ABTB3: variants seen among roughly 807,000 people sequenced by gnomAD.
The protein encoded by ABTB3 is ankyrin repeat- and BTB/POZ domain-containing protein 3.
the ABTB3 span, among the ~76,000 whole-genome samples, chr12:107,636,977 A>G: frequency 6.6e-6 from 1 of 152,222 alleles, no homozygotes; most frequent in African/African-American, 2.4e-5. Flanking sequence ...AGCAGTTAAA[A>G]GTTTCTGGTT....
chr12:107,545,271 C>G, the ABTB3 span, among the ~76,000 whole-genome samples: 1 of 152,044 alleles, frequency 6.6e-6, no homozygotes, highest in African/African-American at 2.4e-5. Context: ...CAGGATCTCA[C>G]TCTGTCACCC....
the ABTB3 span, among the ~76,000 whole-genome samples, chr12:107,461,239 G>C: frequency 1.3e-5 from 2 of 152,112 alleles, no homozygotes; most frequent in Non-Finnish European, 2.9e-5. Context: ...TTGACACATG[G>C]GGATTATTAC....
the ABTB3 span, among the ~76,000 whole-genome samples, chr12:107,460,065 T>G: frequency 6.6e-6 from 1 of 152,248 alleles, no homozygotes; most frequent in African/African-American, 2.4e-5. Context: ...GGAATGGCTA[T>G]TTTCTCAAGG....
chr12:107,423,402 A>G, the ABTB3 span, among the ~76,000 whole-genome samples: 1 of 152,308 alleles, frequency 6.6e-6, no homozygotes, highest in East Asian at 1.9e-4. Flanking sequence ...AGGAAGGTGA[A>G]CCTGAAAAGC....
At chr12:107,347,162 A>G in the ABTB3 span, among the ~76,000 whole-genome samples, 2 of 152,150 alleles carry the variant, frequency 1.3e-5, no homozygotes, top group African/African-American at 4.8e-5. Context: ...TATTTACTGA[A>G]GTAGTCCTCC....
At chr12:107,593,642 A>T in the ABTB3 span, among the ~76,000 whole-genome samples, 1 of 152,260 alleles carries the variant, frequency 6.6e-6, no homozygotes, top group Admixed American at 6.5e-5. Flanking sequence ...TAGATTCATT[A>T]GTTATAATGG....
the ABTB3 span, among the ~76,000 whole-genome samples, chr12:107,530,011 G>GGA: frequency 6.6e-6 from 1 of 152,220 alleles, no homozygotes; most frequent in Admixed American, 6.5e-5. Flanking sequence ...GGGACATCCT[G>GGA]GAGGGCTTCA....
At chr12:107,618,170 C>T in the ABTB3 span, 1 of 1,613,986 alleles carries the variant, frequency 6.2e-7, no homozygotes, top group Non-Finnish European at 8.5e-7. Flanking sequence ...ATGTGTTCCG[C>T]AAACTGCTCG....
chr12:107,618,290 C>G, the ABTB3 span: 2 of 1,613,890 alleles, frequency 1.2e-6, no homozygotes, highest in Non-Finnish European at 1.7e-6. Context: ...GCCGCAACAG[C>G]AAGGCCAAAC....
At chr12:107,482,159 C>G in the ABTB3 span, among the ~76,000 whole-genome samples, 2 of 152,032 alleles carry the variant, frequency 1.3e-5, no homozygotes, top group East Asian at 1.9e-4. Flanking sequence ...ACTGGATGGG[C>G]CAAAATAACG....
the ABTB3 span, among the ~76,000 whole-genome samples, chr12:107,528,820 G>A: frequency 1.3e-5 from 2 of 151,894 alleles, no homozygotes; most frequent in African/African-American, 2.4e-5. Context: ...GATGATGACG[G>A]TGGTCATGGT....
chr12:107,427,660 A>G, the ABTB3 span, among the ~76,000 whole-genome samples: 7 of 152,142 alleles, frequency 4.6e-5, no homozygotes, highest in African/African-American at 7.2e-5. Context: ...CTCTTCTGCC[A>G]TGTAAGGTGA....
the ABTB3 span, among the ~76,000 whole-genome samples, chr12:107,594,619 C>A: frequency 2.6e-5 from 4 of 152,136 alleles, no homozygotes; most frequent in South Asian, 6.2e-4. Context: ...CATCTTTTTG[C>A]TACCCAAAAG....
chr12:107,465,718 G>A, the ABTB3 span, among the ~76,000 whole-genome samples: 1 of 152,056 alleles, frequency 6.6e-6, no homozygotes, highest in African/African-American at 2.4e-5. Flanking sequence ...CTCCAGCCTT[G>A]CCCACCTGAC....
chr12:107,565,098 G>A, the ABTB3 span, among the ~76,000 whole-genome samples: 1 of 152,194 alleles, frequency 6.6e-6, no homozygotes, highest in Non-Finnish European at 1.5e-5. Context: ...TAGCAAGACC[G>A]AGAGAGGCTG....
At chr12:107,638,257 G>C in the ABTB3 span, among the ~76,000 whole-genome samples, 2 of 152,146 alleles carry the variant, frequency 1.3e-5, no homozygotes, top group Admixed American at 6.5e-5. Context: ...CAGGACCACC[G>C]TCTGGGCAGC....
the ABTB3 span, among the ~76,000 whole-genome samples, chr12:107,518,959 C>T: frequency 3.3e-5 from 5 of 152,352 alleles, no homozygotes; most frequent in Middle Eastern, 3.4e-3. Flanking sequence ...TTCACTTACA[C>T]TGGGAGCTCA....
the ABTB3 span, among the ~76,000 whole-genome samples, chr12:107,340,233 G>A: frequency 5.3e-5 from 8 of 151,928 alleles, no homozygotes; most frequent in South Asian, 2.1e-4. Flanking sequence ...ATTTTCTTGC[G>A]CTCAAGAAGG....
the ABTB3 span, among the ~76,000 whole-genome samples, chr12:107,392,331 C>A: frequency 6.6e-6 from 1 of 152,152 alleles, no homozygotes; most frequent in Non-Finnish European, 1.5e-5. Flanking sequence ...TCGCAGGGAC[C>A]CTCTCTTAAC....
Sources: gnomAD v4.1 joint callset for allele counts (sites outside exome capture counted in the v4.1 genomes callset) on GRCh38, gnomAD v4.1.1 for gene constraint, MANE v1.5 for transcripts, NCBI Gene and HGNC (gene_info 2026-07-23, HGNC 2026-07-21) for gene names.